The following CAMK2D variants were observed in gnomAD, a reference collection of about 807,000 sequenced individuals.
CAMK2D encodes calcium/calmodulin-dependent protein kinase type II subunit delta.
Under a neutral mutation model 84.0 loss-of-function variants are expected in CAMK2D, and 37 were observed. That is an observed-to-expected ratio of 0.44 (90% CI 0.34 to 0.58). CAMK2D has a LOEUF of 0.58. Ranked by LOEUF, CAMK2D falls within the 20% of genes least tolerant of loss-of-function variation. CAMK2D has a pLI of 0.02. For synonymous variants in CAMK2D, 202 were observed against 212.5 expected (o/e 0.95, Z 0.43); for missense variants, 448 against 652.5 (o/e 0.69, Z 3.41).
chr4:113,719,669 G>T (rs1216761962), intron 2 of CAMK2D, among the ~76,000 whole-genome samples: 1 of 152,128 alleles, frequency 6.6e-6, no homozygotes, highest in African/African-American at 2.4e-5. Context: ...AAAATTTAAG[G>T]CCCCCTTGGG....
At chr4:113,697,847 G>A (rs2099407356) in intron 2 of CAMK2D, among the ~76,000 whole-genome samples, 1 of 152,052 alleles carries the variant, frequency 6.6e-6, no homozygotes, top group African/African-American at 2.4e-5. Flanking sequence ...AGAAGTCATG[G>A]TGTTTAAAAG....
chr4:113,530,624 G>T (rs1422913632), intron 8 of CAMK2D, among the ~76,000 whole-genome samples: 1 of 152,108 alleles, frequency 6.6e-6, no homozygotes, highest in South Asian at 2.1e-4. Context: ...CTCATGAATG[G>T]GATTAATGCT....
chr4:113,495,386 A>G (rs556663908), intron 16 of CAMK2D, among the ~76,000 whole-genome samples: 5 of 152,336 alleles, frequency 3.3e-5, no homozygotes, highest in South Asian at 2.1e-4. Context: ...TGAAATATAA[A>G]TTACATGTAG....
At chr4:113,573,094 T>C (rs1285909662) in intron 4 of CAMK2D, among the ~76,000 whole-genome samples, 1 of 152,164 alleles carries the variant, frequency 6.6e-6, no homozygotes, top group Non-Finnish European at 1.5e-5. Context: ...TATTGAGGAC[T>C]GGACTTAATA....
intron 2 of CAMK2D, among the ~76,000 whole-genome samples, chr4:113,700,128 G>A (rs185369678): frequency 5.1e-4 from 78 of 152,220 alleles, no homozygotes; most frequent in Non-Finnish European, 8.8e-4. Flanking sequence ...AGCCAGTCAA[G>A]ATTGAGGCAA....
intron 2 of CAMK2D, among the ~76,000 whole-genome samples, chr4:113,720,928 T>C (rs2099528914): frequency 6.6e-6 from 1 of 152,088 alleles, no homozygotes; most frequent in African/African-American, 2.4e-5. Context: ...TAAGTACAAG[T>C]GAATATTTTG....
intron 2 of CAMK2D, among the ~76,000 whole-genome samples, chr4:113,745,383 G>C (rs2099601961): frequency 6.6e-6 from 1 of 151,980 alleles, no homozygotes; most frequent in East Asian, 1.9e-4. Context: ...GTCATCACTA[G>C]GCTACACTGA....
intron 2 of CAMK2D, among the ~76,000 whole-genome samples, chr4:113,737,905 A>T (rs888891845): frequency 3.3e-5 from 5 of 152,078 alleles, no homozygotes; most frequent in African/African-American, 1.2e-4. Flanking sequence ...ATCTGGGTCA[A>T]TGAATTTAGG....
In CAMK2D at chr4:113,761,709, G is replaced by C; in HGVS notation, c.-641C>G. The stretch of plus-strand genomic sequence containing the variant: ...GGCCTCGCGCTGCTCACGAGCCCGC[G>C]CGGCTTCAAGACGGCGCGGCGAGAG... On this transcript the variant is annotated 5_prime_UTR_variant, in exon 1 of 21. Transcript: ENST00000511664. 7 of 946,966 alleles carry C rather than the reference G, an allele frequency of 7.4e-6. No individual in the cohort carries two copies. The highest frequency in any genetic ancestry group is 8.8e-6 in the Non-Finnish European group (7 of 795,078). 58.7% of individuals were successfully genotyped at this position (946,966 alleles called of 1,614,324 possible). A position where few individuals can be genotyped will look rare whatever the true frequency, so the allele number is the denominator to read the frequency against.
At chr4:113,560,841 T>C (rs1459787986) in intron 4 of CAMK2D, among the ~76,000 whole-genome samples, 2 of 152,158 alleles carry the variant, frequency 1.3e-5, no homozygotes, top group Non-Finnish European at 2.9e-5. Context: ...CACTGCTATA[T>C]AGATTCAGGA....
intron 2 of CAMK2D, among the ~76,000 whole-genome samples, chr4:113,687,593 G>A (rs755566046): frequency 1.3e-5 from 2 of 152,182 alleles, no homozygotes; most frequent in Admixed American, 6.5e-5. Context: ...TACAAGAAAA[G>A]AGCAAGTTTG....
chr4:113,600,549 C>T (rs573667132), intron 4 of CAMK2D, among the ~76,000 whole-genome samples: 1 of 152,102 alleles, frequency 6.6e-6, no homozygotes, highest in Non-Finnish European at 1.5e-5. Context: ...TATCTAACTT[C>T]ATGAAGATGA....
chr4:113,640,602 T>G (rs2099128886), intron 3 of CAMK2D, among the ~76,000 whole-genome samples: 1 of 152,064 alleles, frequency 6.6e-6, no homozygotes, highest in African/African-American at 2.4e-5. Flanking sequence ...TAGAGAGACA[T>G]CAAGTAAGAC....
chr4:113,470,946 T>C (rs1285497924), intron 16 of CAMK2D, among the ~76,000 whole-genome samples: 2 of 152,236 alleles, frequency 1.3e-5, no homozygotes, highest in Non-Finnish European at 2.9e-5. Flanking sequence ...ATGACCTTTT[T>C]AAAATATATG....
chr4:113,611,175 G>A (rs1377925112), intron 3 of CAMK2D, among the ~76,000 whole-genome samples: 4 of 152,074 alleles, frequency 2.6e-5, no homozygotes, highest in Non-Finnish European at 4.4e-5. Context: ...TATCAGAGAT[G>A]CCTGCTAGCC....
At chr4:113,709,814 G>GA (rs917821301) in intron 2 of CAMK2D, among the ~76,000 whole-genome samples, 1 of 117,674 alleles carries the variant, frequency 8.5e-6, no homozygotes, top group Admixed American at 1.0e-4. Context: ...TAATGCCCCA[G>GA]AAAATAAACA....
chr4:113,573,850 C>A (rs2098766738), intron 4 of CAMK2D, among the ~76,000 whole-genome samples: 1 of 152,132 alleles, frequency 6.6e-6, no homozygotes, highest in Admixed American at 6.5e-5. Context: ...ACTCCCCCAC[C>A]TTTTGCCTGT....
rs532126722 is a variant in CAMK2D, at chr4:113,555,156, TG to T, written c.276-3061del. Among the ~76,000 whole-genome samples, 295 of 152,332 alleles carry T rather than the reference TG, an allele frequency of 1.9e-3. 2 individuals carry two copies. Among genetic ancestry groups the T allele is most frequent in the Non-Finnish European group, 1.6e-3 (108 of 68,030 alleles). On this transcript the variant is annotated intron_variant, in intron 4 of 20. Transcript: ENST00000511664. ...TTAATTTCATCCAGAATACAACATT[TG>T]TAAAATTTCATCAGTAATAGATCTT...
intron 4 of CAMK2D, among the ~76,000 whole-genome samples, chr4:113,575,913 G>A (rs1387541754): frequency 6.6e-6 from 1 of 152,044 alleles, no homozygotes; most frequent in Non-Finnish European, 1.5e-5. Flanking sequence ...TGACTTCCTA[G>A]TAAGTAGGAA....
Sources: gnomAD v4.1 joint callset for allele counts (sites outside exome capture counted in the v4.1 genomes callset) on GRCh38, gnomAD v4.1.1 for gene constraint, MANE v1.5 for transcripts, NCBI Gene and HGNC (gene_info 2026-07-23, HGNC 2026-07-21) for gene names.